Variants in PGBD5 observed in about 807,000 individuals in gnomAD.
PGBD5 encodes the protein piggyBac transposable element derived 5.
Under a neutral mutation model 47.9 loss-of-function variants are expected in PGBD5, and 14 were observed. That is an observed-to-expected ratio of 0.29 (90% CI 0.19 to 0.46). The LOEUF (loss-of-function observed/expected upper bound fraction) is 0.46. PGBD5 is among the 20% of genes least tolerant of loss of function. The pLI is 1.00. For synonymous variants in PGBD5, 316 were observed against 306.3 expected (o/e 1.03, Z -0.33); for missense variants, 635 against 716.0 (o/e 0.89, Z 1.29).
chr1:230,325,283 C>G, intron 6 of PGBD5, 27 bp downstream of exon 6: 1 of 1,524,966 alleles, frequency 6.6e-7, no homozygotes, highest in Non-Finnish European at 9.1e-7. Flanking sequence ...GAGAGCCCTT[C>G]TGTCATGGAG....
At chr1:230,332,673 C>T (rs541441960) in intron 5 of PGBD5, among the ~76,000 whole-genome samples, 171 bp downstream of exon 5, 2 of 152,330 alleles carry the variant, frequency 1.3e-5, no homozygotes, top group South Asian at 4.1e-4. Flanking sequence ...TGCTTCCACA[C>T]AGCCGCCACA....
Position 230,341,874 on chromosome 1 carries a change from G to GT in PGBD5, c.895-4587dup, listed in dbSNP as rs1311523171. Among the ~76,000 whole-genome samples the GT allele has an allele frequency of 2.9e-4, 44 of 152,210 alleles. 1 individual carries two copies. Among genetic ancestry groups the GT allele is most frequent in the Non-Finnish European group, 2.9e-5 (2 of 67,984 alleles). On this transcript the variant is annotated intron_variant, in intron 3 of 6. Coordinates refer to ENST00000391860, the MANE Select transcript of PGBD5 (RefSeq NM_001258311.2). The stretch of plus-strand genomic sequence containing the variant: ...CCAAGCTTTTCACTTTTCCTAAAAA[G>GT]TTTTTTTGCTCCTATGATTTTTAAA...
chr1:230,405,282 A>G (rs997233964), intron 1 of PGBD5, among the ~76,000 whole-genome samples: 2 of 151,898 alleles, frequency 1.3e-5, no homozygotes, highest in Non-Finnish European at 2.9e-5. Flanking sequence ...GGGTCCACTT[A>G]TACCCGGATT....
In PGBD5 at chr1:230,314,634, T is replaced by C. The variant is rs1666910323; in HGVS notation, c.*8791A>G. The C allele has an allele frequency of 6.9e-6, 1 of 145,670 alleles. No homozygotes were observed. Among genetic ancestry groups the C allele is most frequent in the East Asian group, 2.0e-4 (1 of 4,912 alleles). 9.0% of individuals were successfully genotyped at this position (145,670 alleles called of 1,614,324 possible). Reference sequence around the variant, plus strand: ...ACATTTCACATTTGAGAACCCAGAATTCAGCTCCTGTTATACAAAATTTGT... The same window carrying C: ...ACATTTCACATTTGAGAACCCAGAACTCAGCTCCTGTTATACAAAATTTGT... On this transcript the variant is annotated 3_prime_UTR_variant, in exon 7 of 7. Coordinates refer to ENST00000391860, the MANE Select transcript of PGBD5 (RefSeq NM_001258311.2).
intron 3 of PGBD5, among the ~76,000 whole-genome samples, chr1:230,338,039 G>C (rs537837096): frequency 6.6e-6 from 1 of 152,354 alleles, no homozygotes; most frequent in Admixed American, 6.5e-5. Context: ...TGTGGTGTTG[G>C]ACGACGGTAA....
intron 1 of PGBD5, among the ~76,000 whole-genome samples, chr1:230,367,548 A>C (rs991560514): frequency 4.6e-5 from 7 of 152,170 alleles, no homozygotes; most frequent in East Asian, 3.9e-4. Flanking sequence ...CACACACACA[A>C]AAAGTCTGGT....
At chr1:230,413,615 AT>A (rs1447769372) in intron 1 of PGBD5, among the ~76,000 whole-genome samples, 1 of 152,206 alleles carries the variant, frequency 6.6e-6, no homozygotes, top group Non-Finnish European at 1.5e-5. Context: ...CATTAAAAAA[AT>A]ATACTGCATG....
At chr1:230,398,941 G>A (rs936874768) in intron 1 of PGBD5, among the ~76,000 whole-genome samples, 3 of 152,048 alleles carry the variant, frequency 2.0e-5, no homozygotes, top group Middle Eastern at 3.4e-3. Flanking sequence ...CAATGAGCTC[G>A]GGGCCAGGCT....
At chr1:230,332,473 A>G (rs1056291995) in intron 5 of PGBD5, among the ~76,000 whole-genome samples, 1 of 152,232 alleles carries the variant, frequency 6.6e-6, no homozygotes, top group Non-Finnish European at 1.5e-5. Context: ...ACGTTGAAAG[A>G]TAAGAATGGT....
chr1:230,357,041 G>A lies in PGBD5; in HGVS notation c.612C>T (p.Ser204=). Reference sequence around the variant, plus strand: ...TGAGGATCTTCTCGAAGCGGGCCTGGCTCATGACGAGGGCGAGGCTGCGGT... The same window carrying A: ...TGAGGATCTTCTCGAAGCGGGCCTGACTCATGACGAGGGCGAGGCTGCGGT... ...YSNRSLALVM[S]QARFEKILKY... is the part of the protein sequence containing the mutation. Residue 204 remains serine (S), a synonymous_variant, in exon 2 of 7, where the codon AGC becomes AGT. Coordinates refer to ENST00000391860, the MANE Select transcript of PGBD5 (RefSeq NM_001258311.2). The surrounding 1 kb of genome is among the most constrained non-coding windows in gnomAD (Gnocchi z 5.7). The A allele has an allele frequency of 6.2e-7, 1 of 1,614,182 alleles. No homozygotes were observed.
chr1:230,388,324 G>C (rs1571852938), intron 1 of PGBD5, among the ~76,000 whole-genome samples: 1 of 152,250 alleles, frequency 6.6e-6, no homozygotes, highest in East Asian at 1.9e-4. Context: ...ATGGGGTTGA[G>C]TGAGACAGGC....
At chr1:230,419,796 T>C (rs1236619230) in intron 1 of PGBD5, among the ~76,000 whole-genome samples, 5 of 152,138 alleles carry the variant, frequency 3.3e-5, no homozygotes, top group Admixed American at 6.5e-5. Context: ...GCTTTATCAT[T>C]TGATGCTAAG....
Position 230,315,314 on chromosome 1 carries a change from G to A in PGBD5, c.*8111C>T, listed in dbSNP as rs1666917999. ...TGTGCTAGTGTTGGGCAGCTCTAAG[G>A]TTGGAAACTGCTTTCCCCACTGAGC... On this transcript the variant is annotated 3_prime_UTR_variant, in exon 7 of 7. Coordinates refer to ENST00000391860, the MANE Select transcript of PGBD5 (RefSeq NM_001258311.2). 1 of 152,256 alleles carries A rather than the reference G, an allele frequency of 6.6e-6. No homozygotes were observed. The highest frequency in any genetic ancestry group is 1.5e-5 in the Non-Finnish European group (1 of 68,086). The allele number at this position is 152,256 out of a possible 1,614,324, so 9.4% of individuals were successfully genotyped here.
intron 1 of PGBD5, among the ~76,000 whole-genome samples, chr1:230,424,942 A>C (rs1403135982): frequency 6.6e-6 from 1 of 152,228 alleles, no homozygotes; most frequent in Non-Finnish European, 1.5e-5. Flanking sequence ...GGTAAGCAGG[A>C]CACACCTGAA....
intron 1 of PGBD5, among the ~76,000 whole-genome samples, chr1:230,390,880 C>T (rs1168278763): frequency 6.6e-6 from 1 of 152,122 alleles, no homozygotes; most frequent in Non-Finnish European, 1.5e-5. Context: ...GCTAGGATTA[C>T]AGGAACGCAC....
At chr1:230,377,039 C>T (rs1234435077) in intron 1 of PGBD5, among the ~76,000 whole-genome samples, 1 of 152,182 alleles carries the variant, frequency 6.6e-6, no homozygotes, top group African/African-American at 2.4e-5. Flanking sequence ...GGGCACTTCT[C>T]TGGGCATAGA....
At chr1:230,422,682 A>G (rs1571868501) in intron 1 of PGBD5, among the ~76,000 whole-genome samples, 2 of 152,328 alleles carry the variant, frequency 1.3e-5, no homozygotes, top group South Asian at 2.1e-4. Context: ...CTCTCCACCC[A>G]TAACTACTGG....
intron 2 of PGBD5, among the ~76,000 whole-genome samples, chr1:230,353,564 AGTGAGCTGAGTGT>A (rs1667590727): frequency 6.6e-6 from 1 of 152,080 alleles, no homozygotes; most frequent in South Asian, 2.1e-4. Flanking sequence ...GGAGGGTGCG[AGTGAGCTGAGTGT>A]GTGAGGTGAG....
chr1:230,386,976 C>T (rs1036230505), intron 1 of PGBD5, among the ~76,000 whole-genome samples: 6 of 152,172 alleles, frequency 3.9e-5, no homozygotes, highest in Non-Finnish European at 7.3e-5. Context: ...CCTAACCTAA[C>T]GTCTCCAAAC....
Sources: allele counts gnomAD v4.1 joint callset (sites outside exome capture counted in the v4.1 genomes callset), GRCh38; gene constraint gnomAD v4.1.1; non-coding constraint Gnocchi (gnomAD v3.1); transcripts MANE v1.5; gene names NCBI Gene and HGNC (gene_info 2026-07-23, HGNC 2026-07-21).